PHF20: variants seen among roughly 807,000 people sequenced by gnomAD.
PHF20 encodes glioma-expressed antigen 2.
A neutral mutation model predicts 113.5 loss-of-function variants in PHF20; 23 were observed. The ratio of observed to expected loss-of-function variants is 0.20; its 90% CI spans 0.15 to 0.29. PHF20 has a LOEUF of 0.29. Among genes scored for constraint, PHF20 ranks in the 10% least tolerant of loss-of-function variants. The pLI is 1.00. For synonymous variants in PHF20, 434 were observed against 457.3 expected (o/e 0.95, Z 0.65); for missense variants, 943 against 1,219.6 (o/e 0.77, Z 3.38).
intron 1 of PHF20, chr20:35,782,229 A>G (rs1007667776): frequency 6.6e-6 from 1 of 151,532 alleles, no homozygotes; most frequent in African/African-American, 2.4e-5. Context: ...AAGGCAAGGT[A>G]ATTAAAGAGG....
intron 1 of PHF20, among the ~76,000 whole-genome samples, chr20:35,784,339 A>G (rs2041364960): frequency 6.6e-6 from 1 of 151,308 alleles, no homozygotes; most frequent in Admixed American, 6.6e-5. Flanking sequence ...GGCGTGAGCC[A>G]CTGCACCCGG....
chr20:35,772,056 G>C lies in PHF20; in HGVS notation c.-56G>C, dbSNP rs1402658534. ...CCTTCTGTCGGTTGGTCCTGGAGCG[G>C]CGCAGCCGGAGTGGGGCCGTGAGGT... On this transcript the variant is annotated 5_prime_UTR_variant, in exon 1 of 18. Coordinates refer to ENST00000374012, the MANE Select transcript of PHF20 (RefSeq NM_016436.5). The C allele has an allele frequency of 6.6e-6, 1 of 151,996 alleles. No homozygotes were observed. The highest frequency in any genetic ancestry group is 2.4e-5 in the African/African-American group (1 of 41,380). The allele number at this position is 151,996 out of a possible 1,614,324, so 9.4% of individuals were successfully genotyped here.
chr20:35,914,472 T>C (rs1261415657), intron 12 of PHF20, among the ~76,000 whole-genome samples: 1 of 152,150 alleles, frequency 6.6e-6, no homozygotes, highest in Non-Finnish European at 1.5e-5. Context: ...GAGTAAGTCC[T>C]CAAAAGCATA....
chr20:35,938,647 C>T, intron 15 of PHF20, 50 bp from the exon 16 acceptor site: 1 of 1,526,306 alleles, frequency 6.6e-7, no homozygotes, highest in Non-Finnish European at 8.8e-7. Context: ...AGAACCCCTG[C>T]AATGGTGCCA....
rs1022607291 is a variant in PHF20, at chr20:35,851,030, A to G, written c.340+3596A>G. 1.0e-4 allele frequency: 36 copies of G among 361,474 alleles called. 1 individual carries two copies. The Admixed American group carries it at 1.4e-3, about 14-fold the overall frequency. 22.4% of individuals were successfully genotyped at this position (361,474 alleles called of 1,614,324 possible). A position where few individuals can be genotyped will look rare whatever the true frequency, so the allele number is the denominator to read the frequency against. On this transcript the variant is annotated intron_variant, in intron 4 of 17. Transcript: ENST00000374012. Reference sequence around the variant, plus strand: ...GCTGGTCTGGAACTCCTGACCTCAAATGATCCACCCGCCTCAGCCTCCCGA... The same window carrying G: ...GCTGGTCTGGAACTCCTGACCTCAAGTGATCCACCCGCCTCAGCCTCCCGA...
chr20:35,798,784 C>G (rs1360916451), intron 1 of PHF20, among the ~76,000 whole-genome samples: 2 of 151,178 alleles, frequency 1.3e-5, no homozygotes, highest in African/African-American at 2.4e-5. Flanking sequence ...TTTAAAGAGA[C>G]AGGTTCTTGC....
intron 1 of PHF20, among the ~76,000 whole-genome samples, chr20:35,783,086 G>C (rs969982438): frequency 2.0e-5 from 3 of 152,044 alleles, no homozygotes; most frequent in African/African-American, 7.2e-5. Context: ...TGTAGTCCCA[G>C]CTCCTTGGGA....
chr20:35,904,119 G>A (rs1311658947), intron 10 of PHF20, among the ~76,000 whole-genome samples: 2 of 152,046 alleles, frequency 1.3e-5, no homozygotes, highest in Non-Finnish European at 2.9e-5. Flanking sequence ...ACTGGGAGAC[G>A]TTTCACAGTG....
chr20:35,892,819 G>A (rs1031822770), intron 9 of PHF20, among the ~76,000 whole-genome samples: 1 of 152,160 alleles, frequency 6.6e-6, no homozygotes, highest in Non-Finnish European at 1.5e-5. Flanking sequence ...AATCAGAAGA[G>A]CTTGCTTGTA....
intron 1 of PHF20, among the ~76,000 whole-genome samples, chr20:35,777,191 T>C (rs1217562936): frequency 6.6e-6 from 1 of 152,122 alleles, no homozygotes; most frequent in Non-Finnish European, 1.5e-5. Flanking sequence ...CAAGAAGGAG[T>C]CTGTACCTTA....
At chr20:35,927,946 A>C (rs2055674916) in intron 14 of PHF20, 67 bp downstream of exon 14, 9 of 1,110,072 alleles carry the variant, frequency 8.1e-6, no homozygotes, top group Non-Finnish European at 9.7e-6. Flanking sequence ...TGGCTGTGAC[A>C]CATTCTAAAT....
intron 2 of PHF20, among the ~76,000 whole-genome samples, chr20:35,812,086 A>G (rs916576178): frequency 2.6e-5 from 4 of 151,998 alleles, no homozygotes; most frequent in Admixed American, 6.6e-5. Flanking sequence ...GCTTTTTATT[A>G]AGAAAATTTT....
chr20:35,828,110 G>A (rs985770157), intron 2 of PHF20, among the ~76,000 whole-genome samples: 2 of 151,920 alleles, frequency 1.3e-5, no homozygotes, highest in Non-Finnish European at 2.9e-5. Context: ...CACAACCTCC[G>A]CCTCCTGGGT....
At chr20:35,870,447 C>T (rs371103956) in intron 7 of PHF20, among the ~76,000 whole-genome samples, 6 of 151,950 alleles carry the variant, frequency 3.9e-5, no homozygotes, top group African/African-American at 1.4e-4. Context: ...TGCCACTGCC[C>T]TCCAGCCTGG....
chr20:35,801,439 A>G (rs1036884239), intron 1 of PHF20, 52 bp from the exon 2 acceptor site: 6 of 895,928 alleles, frequency 6.7e-6, no homozygotes, highest in African/African-American at 1.7e-5. Context: ...ATGATGCTAC[A>G]CTCTGGGTGG....
intron 9 of PHF20, among the ~76,000 whole-genome samples, chr20:35,887,501 C>G (rs947362625): frequency 1.5e-4 from 23 of 152,140 alleles, no homozygotes; most frequent in Non-Finnish European, 2.4e-4. Context: ...GCACTCAGTT[C>G]CTTGCTTCAT....
chr20:35,834,955 CTT>C (rs1044304209), intron 2 of PHF20, among the ~76,000 whole-genome samples: 8 of 152,210 alleles, frequency 5.3e-5, no homozygotes, highest in African/African-American at 1.9e-4. Context: ...TTCAAACTCT[CTT>C]ATCAGTTTAG....
chr20:35,852,895 C>T (rs1034819453), intron 4 of PHF20, among the ~76,000 whole-genome samples: 1 of 151,468 alleles, frequency 6.6e-6, no homozygotes, highest in Non-Finnish European at 1.5e-5. Context: ...CCGTGCCCGA[C>T]CTGACTAATC....
chr20:35,925,759 AGTTT>A (rs752829838), intron 13 of PHF20, among the ~76,000 whole-genome samples: 11 of 148,632 alleles, frequency 7.4e-5, no homozygotes, highest in Non-Finnish European at 1.3e-4. Flanking sequence ...TTTATCTTTT[AGTTT>A]GTTTATTATT....
Sources: allele counts gnomAD v4.1 joint callset (sites outside exome capture counted in the v4.1 genomes callset), GRCh38; gene constraint gnomAD v4.1.1; transcripts MANE v1.5; gene names NCBI Gene and HGNC (gene_info 2026-07-23, HGNC 2026-07-21).